The following ADK variants were observed in gnomAD, a reference collection of about 807,000 sequenced individuals.
ADK encodes N6,N6-dimethyladenosine kinase.
A neutral mutation model predicts 44.7 loss-of-function variants in ADK; 24 were observed. The ratio of observed to expected loss-of-function variants is 0.54; its 90% CI spans 0.39 to 0.76. The LOEUF (loss-of-function observed/expected upper bound fraction) is 0.76. ADK is among the 30% of genes least tolerant of loss of function. The pLI is 0.00. For missense variants in ADK, 321 were observed against 425.1 expected, an observed-to-expected ratio of 0.76 and a Z score of 2.15; for synonymous variants, 128 against 142.6, an observed-to-expected ratio of 0.90 and a Z score of 0.73.
At chr10:74,179,639 C>T (rs559297657) in intron 1 of ADK, among the ~76,000 whole-genome samples, 1 of 152,296 alleles carries the variant, frequency 6.6e-6, no homozygotes, top group Non-Finnish European at 1.5e-5. Context: ...CCTATATAGT[C>T]TAAAAAGGTG....
At chr10:74,689,484 T>C (rs1855908794) in intron 10 of ADK, among the ~76,000 whole-genome samples, 1 of 152,194 alleles carries the variant, frequency 6.6e-6, no homozygotes, top group South Asian at 2.1e-4. Context: ...ATTAAAGTTA[T>C]CCAGTAGATC....
intron 1 of ADK, among the ~76,000 whole-genome samples, chr10:74,165,812 T>G (rs192894511): frequency 6.6e-6 from 1 of 152,370 alleles, no homozygotes; most frequent in African/African-American, 2.4e-5. Flanking sequence ...TAGACTTGTG[T>G]CTCTCAAGTT....
chr10:74,263,773 C>T (rs1198563827), intron 3 of ADK, among the ~76,000 whole-genome samples: 3 of 152,152 alleles, frequency 2.0e-5, no homozygotes, highest in African/African-American at 7.2e-5. Flanking sequence ...TTTACAGTGC[C>T]TCTCCTTCGG....
intron 6 of ADK, among the ~76,000 whole-genome samples, chr10:74,524,831 A>G (rs1375540455): frequency 6.6e-6 from 1 of 152,198 alleles, no homozygotes; most frequent in African/African-American, 2.4e-5. Flanking sequence ...CCAGGAGTTC[A>G]GGACCAGCCT....
At chr10:74,463,613 C>A (rs965630787) in intron 6 of ADK, among the ~76,000 whole-genome samples, 1 of 152,130 alleles carries the variant, frequency 6.6e-6, no homozygotes, top group Admixed American at 6.5e-5. Flanking sequence ...GCTGTGTGGC[C>A]CAGTTCCTAA....
At chr10:74,529,690 TTC>T (rs1037537707) in intron 7 of ADK, among the ~76,000 whole-genome samples, 1 of 152,134 alleles carries the variant, frequency 6.6e-6, no homozygotes, top group African/African-American at 2.4e-5. Flanking sequence ...AGAAAATCTT[TTC>T]TCTTTTGGTA....
At chr10:74,416,562 T>C (rs1564709696) in intron 6 of ADK, among the ~76,000 whole-genome samples, 1 of 106,062 alleles carries the variant, frequency 9.4e-6, no homozygotes, top group South Asian at 2.7e-4. Context: ...GTTTTTGTTT[T>C]TGTTTCTGTT....
At chr10:74,641,631 T>C (rs16931551) in intron 9 of ADK, 1 of 152,222 alleles carries the variant, frequency 6.6e-6, no homozygotes, top group African/African-American at 2.4e-5. Flanking sequence ...GGATATGTAA[T>C]TCAGGCCCAT....
Position 74,212,652 on chromosome 10 carries a change from A to G in ADK, c.140+11814A>G, listed in dbSNP as rs1482956000. Among the ~76,000 whole-genome samples the G allele has an allele frequency of 3.3e-5, 5 of 152,320 alleles. No individual in the cohort carries two copies. In the East Asian group the frequency reaches 7.7e-4, roughly 24 times the overall value. ...TGAGCTTGAAATCTCTCGTGCCTCT[A>G]TTATTGGCAATGGAGAGCACTTGAG... On this transcript the variant is annotated intron_variant, in intron 2 of 10. Coordinates refer to ENST00000539909, the MANE Select transcript of ADK (RefSeq NM_006721.4).
chr10:74,204,631 C>T (rs1048393439), intron 2 of ADK, among the ~76,000 whole-genome samples: 3 of 152,196 alleles, frequency 2.0e-5, no homozygotes, highest in Non-Finnish European at 2.9e-5. Flanking sequence ...AACTTTAAAA[C>T]ACACTTTCCC....
intron 10 of ADK, among the ~76,000 whole-genome samples, chr10:74,671,426 T>G (rs938476394): frequency 2.0e-5 from 3 of 152,136 alleles, no homozygotes; most frequent in Non-Finnish European, 4.4e-5. Flanking sequence ...ATGCCCAGTC[T>G]TAAATGAACT....
intron 1 of ADK, among the ~76,000 whole-genome samples, chr10:74,163,908 AAT>A (rs1423996309): frequency 6.6e-6 from 1 of 152,220 alleles, no homozygotes; most frequent in Non-Finnish European, 1.5e-5. Flanking sequence ...AATTTTTTAA[AAT>A]AGTTTTTTCT....
At chr10:74,421,382 A>G (rs1244746152) in intron 6 of ADK, among the ~76,000 whole-genome samples, 1 of 152,192 alleles carries the variant, frequency 6.6e-6, no homozygotes, top group Non-Finnish European at 1.5e-5. Context: ...TTACAGATAA[A>G]TAAACAAGAG....
intron 9 of ADK, among the ~76,000 whole-genome samples, chr10:74,630,892 T>G (rs1589314412): frequency 6.8e-6 from 1 of 147,836 alleles, no homozygotes; most frequent in Non-Finnish European, 1.5e-5. Context: ...GAGAAGAGCT[T>G]TCCCCTTTTT....
At chr10:74,651,327 C>T (rs1854267577) in intron 9 of ADK, among the ~76,000 whole-genome samples, 1 of 151,962 alleles carries the variant, frequency 6.6e-6, no homozygotes, top group African/African-American at 2.4e-5. Context: ...AGAATGTTTC[C>T]TTCTTTAAAA....
intron 3 of ADK, among the ~76,000 whole-genome samples, chr10:74,312,869 G>C (rs1840486252): frequency 8.8e-6 from 1 of 113,928 alleles, no homozygotes; most frequent in Admixed American, 1.3e-4. Flanking sequence ...AGCTATGTTT[G>C]CACCACTGCA....
intron 4 of ADK, among the ~76,000 whole-genome samples, chr10:74,381,821 A>T (rs1842984270): frequency 6.6e-6 from 1 of 152,222 alleles, no homozygotes; most frequent in African/African-American, 2.4e-5. Context: ...CATTGTCAAT[A>T]AACTTTGACT....
chr10:74,268,268 C>T (rs12254109), intron 3 of ADK, among the ~76,000 whole-genome samples: 6,866 of 151,960 alleles, frequency 0.045, 535 homozygotes, highest in African/African-American at 0.16. Context: ...GGCTGCAGCT[C>T]GATTGCGCCA....
chr10:74,545,984 A>T (rs1849807220), intron 7 of ADK, among the ~76,000 whole-genome samples: 1 of 152,194 alleles, frequency 6.6e-6, no homozygotes, highest in African/African-American at 2.4e-5. Context: ...TCTCTTAGCA[A>T]GGTATTAATG....
Sources: allele counts gnomAD v4.1 joint callset (sites outside exome capture counted in the v4.1 genomes callset), GRCh38; gene constraint gnomAD v4.1.1; transcripts MANE v1.5; gene names NCBI Gene and HGNC (gene_info 2026-07-23, HGNC 2026-07-21).